CXCL16: variants seen among roughly 807,000 people sequenced by gnomAD.
The protein encoded by CXCL16 is C-X-C motif chemokine 16.
In CXCL16, 18 loss-of-function variants were observed where a neutral mutation model predicts 23.8. The ratio of observed to expected loss-of-function variants is 0.76; its 90% confidence interval spans 0.52 to 1.12. CXCL16 has a LOEUF of 1.12. Ranked by LOEUF, CXCL16 falls within the 50% of genes most tolerant of loss-of-function variation. The probability of loss-of-function intolerance (pLI) is 0.00; values close to 1 mark genes in which losing one functional copy is unlikely to be tolerated. For missense variants in CXCL16, 297 were observed against 315.4 expected (o/e 0.94, Z 0.44); for synonymous variants, 123 against 132.5 (o/e 0.93, Z 0.49).
rs747906126 is a variant in CXCL16 at position 4,738,760 on chromosome 17, TCG to T, written c.218+20_218+21del. Reference sequence around the variant, plus strand: ...AGGAGGGGCCGCCCAGGCGCTGCCCTCGCAGAGGCAGGTAAAATTACCTCGTG... The same window carrying T: ...AGGAGGGGCCGCCCAGGCGCTGCCCTCAGAGGCAGGTAAAATTACCTCGTG... On this transcript the variant is annotated intron_variant, in intron 2 of 5. Transcript: ENST00000293778. The surrounding 1 kb of genome is among the most constrained non-coding windows in gnomAD (Gnocchi z 4.0). 217 of 1,612,296 alleles carry T rather than the reference TCG, an allele frequency of 1.3e-4. 1 individual carries two copies. Among genetic ancestry groups the T allele is most frequent in the Non-Finnish European group, 1.8e-4 (213 of 1,178,964 alleles).
rs1290753639 is a variant in CXCL16, at chr17:4,739,131, CGGCT to C, written c.79+126_79+129del. 3 of 1,313,440 alleles carry C rather than the reference CGGCT, an allele frequency of 2.3e-6. No homozygotes were observed. The highest frequency in any genetic ancestry group is 2.1e-6 in the Non-Finnish European group (2 of 957,640). 81.4% of individuals were successfully genotyped at this position (1,313,440 alleles called of 1,614,324 possible). On this transcript the variant is annotated intron_variant, in intron 1 of 5. Coordinates refer to ENST00000293778, the MANE Select transcript of CXCL16 (RefSeq NM_001386809.1). This position sits in a 1 kb window ranked among gnomAD's most constrained non-coding sequence, Gnocchi z 5.3. ...CCGGGCCTCTGTCCCCAACCCCAGG[CGGCT>C]GGCTGGCTTTCCTCTTGTCCCCGCT...
rs758564827 is a variant in CXCL16 at position 4,735,061 on chromosome 17, C to G, written c.718+31G>C. ...ATGCCTGTCAGGAAGGCTCTGGGTC[C>G]CTGGGGGGAGGGTTCAAAGGTCCAG... is the stretch of plus-strand genomic sequence containing the variant. On this transcript the variant is annotated intron_variant, in intron 4 of 5. Coordinates refer to ENST00000293778, the MANE Select transcript of CXCL16 (RefSeq NM_001386809.1). 4 of 1,575,780 alleles carry G rather than the reference C, an allele frequency of 2.5e-6. No individual in the cohort carries two copies. In the Admixed American group the frequency reaches 5.2e-5, roughly 20 times the overall value.
At chr17:4,737,575 TAAAAAA>T (rs55694753) in intron 3 of CXCL16, among the ~76,000 whole-genome samples, 8 of 42,034 alleles carry the variant, frequency 1.9e-4, no homozygotes, top group South Asian at 1.3e-3. Flanking sequence ...AAGACTCCAT[TAAAAAA>T]AAAAAAAAAA....
rs534120151 is a variant in CXCL16 at position 4,739,180 on chromosome 17, C to T, written c.79+81G>A. 1.5e-4 allele frequency: 231 copies of T among 1,510,562 alleles called. 1 individual carries two copies. In the African/African-American group the frequency reaches 2.6e-3, roughly 17 times the overall value. The allele number at this position is 1,510,562 out of a possible 1,614,324, so 93.6% of individuals were successfully genotyped here. A position where few individuals can be genotyped will look rare whatever the true frequency, so the allele number is the denominator to read the frequency against. On this transcript the variant is annotated intron_variant, in intron 1 of 5. Transcript: ENST00000293778. The surrounding 1 kb of genome is among the most constrained non-coding windows in gnomAD (Gnocchi z 5.3). ...CCCGCTGCCTTCATCCACTCAACTC[C>T]GTGGGCCTCGTGTCCCCTCCCCAAC...
chr17:4,738,073 TGAGC>T lies in CXCL16; in HGVS notation c.301+331_301+334del, dbSNP rs1916214529. 8.7e-6 allele frequency among the ~76,000 whole-genome samples: 1 copy of T among 115,236 alleles called. No homozygotes were observed. The highest frequency in any genetic ancestry group is 9.1e-5 in the Admixed American group (1 of 10,942). The allele number at this position is 115,236 out of a possible 152,430, so 75.6% of individuals were successfully genotyped here. A position where few individuals can be genotyped will look rare whatever the true frequency, so the allele number is the denominator to read the frequency against. ...TGAACCTGGGAGGCAGAGGTTGCAG[TGAGC>T]CAAGATCGTGCCACTGCACTCCAGC... On this transcript the variant is annotated intron_variant, in intron 3 of 5. Coordinates refer to ENST00000293778, the MANE Select transcript of CXCL16 (RefSeq NM_001386809.1). This position sits in a 1 kb window ranked among gnomAD's most constrained non-coding sequence, Gnocchi z 4.0.
chr17:4,735,539 TA>T, intron 3 of CXCL16, 31 bp from the exon 4 acceptor site: 1 of 1,482,482 alleles, frequency 6.7e-7, no homozygotes, highest in Non-Finnish European at 9.0e-7. Flanking sequence ...GAATCAGGAC[TA>T]TCAGGAGACA....
chr17:4,737,734 A>G lies in CXCL16; in HGVS notation c.301+674T>C, dbSNP rs531687448. Among the ~76,000 whole-genome samples the G allele has an allele frequency of 1.1e-4, 17 of 151,414 alleles. 1 individual carries two copies. The highest frequency in any genetic ancestry group is 3.9e-4 in the African/African-American group (16 of 41,238). Reference sequence around the variant, plus strand: ...ATGTTTATGTAAATATGTAAAATATACATATATAAATAAAATTGTAGAATC... The same window carrying G: ...ATGTTTATGTAAATATGTAAAATATGCATATATAAATAAAATTGTAGAATC... On this transcript the variant is annotated intron_variant, in intron 3 of 5. Coordinates refer to ENST00000293778, the MANE Select transcript of CXCL16 (RefSeq NM_001386809.1).
At chr17:4,736,302 G>T (rs8071612) in intron 3 of CXCL16, 63,080 of 151,954 alleles carry the variant, frequency 0.42, 13,591 homozygotes, top group East Asian at 0.59. Flanking sequence ...TGCTGTTTTC[G>T]TAATTACCAA....
chr17:4,738,526 T>G lies in CXCL16; in HGVS notation c.219-36A>C. ...GAGACCTGGGCTTAGCTGCGGCGCC[T>G]TCTTTCCTTCCCCGGCTCCTTCCTC... On this transcript the variant is annotated intron_variant, in intron 2 of 5. Coordinates refer to ENST00000293778, the MANE Select transcript of CXCL16 (RefSeq NM_001386809.1). This position sits in a 1 kb window ranked among gnomAD's most constrained non-coding sequence, Gnocchi z 4.0. 1 of 1,511,522 alleles carries G rather than the reference T, an allele frequency of 6.6e-7. No homozygotes were observed. Among genetic ancestry groups the G allele is most frequent in the Non-Finnish European group, 9.2e-7 (1 of 1,091,720 alleles). 93.6% of individuals were successfully genotyped at this position (1,511,522 alleles called of 1,614,324 possible). A position where few individuals can be genotyped will look rare whatever the true frequency, so the allele number is the denominator to read the frequency against.
In CXCL16 at chr17:4,738,324, G is replaced by A; in HGVS notation, c.301+84C>T. On this transcript the variant is annotated intron_variant, in intron 3 of 5. Coordinates refer to ENST00000293778, the MANE Select transcript of CXCL16 (RefSeq NM_001386809.1). This position sits in a 1 kb window ranked among gnomAD's most constrained non-coding sequence, Gnocchi z 4.0. ...GTTCTAGGAATGTGCGGCCCCAGGG[G>A]AAAAGGCTCAGGTAAAGAAAACTGT... The A allele has an allele frequency of 9.3e-7, 1 of 1,076,344 alleles. No individual in the cohort carries two copies. The highest frequency in any genetic ancestry group is 2.4e-5 in the East Asian group (1 of 41,766). The allele number at this position is 1,076,344 out of a possible 1,614,324, so 66.7% of individuals were successfully genotyped here.
chr17:4,737,808 T>C (rs1916199289), intron 3 of CXCL16, among the ~76,000 whole-genome samples: 1 of 151,226 alleles, frequency 6.6e-6, no homozygotes, highest in Admixed American at 6.7e-5. Context: ...AACTTTTGTA[T>C]ATGTGTAAAT....
At position 4,735,474 on chromosome 17, in the gene CXCL16, G is replaced by T; in HGVS notation, c.336C>A (p.His112Gln). ...GGCTGGTAGGAAGTAAATGCTTCTGGTGGGCCACAATCCCCGAGTAAGCAT... is the reference window on the plus strand; with the variant it reads ...GGCTGGTAGGAAGTAAATGCTTCTGTTGGGCCACAATCCCCGAGTAAGCAT... The part of the protein sequence containing the change: ...CGHAYSGIVA[H>Q]QKHLLPTSPP... Residue 112 changes from histidine to glutamine, a missense_variant, in exon 4 of 6, where the codon CAC becomes CAA. His to Gln is a conservative substitution (Grantham distance 24). Coordinates refer to ENST00000293778, the MANE Select transcript of CXCL16 (RefSeq NM_001386809.1). The T allele has an allele frequency of 6.6e-7, 1 of 1,509,392 alleles. No individual in the cohort carries two copies. The highest frequency in any genetic ancestry group is 8.9e-7 in the Non-Finnish European group (1 of 1,127,404). 93.5% of individuals were successfully genotyped at this position (1,509,392 alleles called of 1,614,324 possible). A position where few individuals can be genotyped will look rare whatever the true frequency, so the allele number is the denominator to read the frequency against.
At position 4,739,045 on chromosome 17, in the gene CXCL16, T is replaced by C; in HGVS notation, c.80-125A>G. 1 of 1,298,778 alleles carries C rather than the reference T, an allele frequency of 7.7e-7. No individual in the cohort carries two copies. The highest frequency in any genetic ancestry group is 1.0e-6 in the Non-Finnish European group (1 of 952,518). The allele number at this position is 1,298,778 out of a possible 1,614,324, so 80.5% of individuals were successfully genotyped here. A position where few individuals can be genotyped will look rare whatever the true frequency, so the allele number is the denominator to read the frequency against. ...TGGACCCAGGGTCAGAGCGCCAGGCTCAACCCACACATCATCACGCCCCCG... is the reference window on the plus strand; with the variant it reads ...TGGACCCAGGGTCAGAGCGCCAGGCCCAACCCACACATCATCACGCCCCCG... On this transcript the variant is annotated intron_variant, in intron 1 of 5. Coordinates refer to ENST00000293778, the MANE Select transcript of CXCL16 (RefSeq NM_001386809.1). This position sits in a 1 kb window ranked among gnomAD's most constrained non-coding sequence, Gnocchi z 5.3.
rs1363253856 is a variant in CXCL16, at chr17:4,734,389, C to T, written c.*114G>A. On this transcript the variant is annotated 3_prime_UTR_variant, in exon 6 of 6. Coordinates refer to ENST00000293778, the MANE Select transcript of CXCL16 (RefSeq NM_001386809.1). ...CGTGTAGGCTGGATGTGGTAGGTGA[C>T]GCCTATAATCCTCGCACCTTCAGAG... 5 of 463,774 alleles carry T rather than the reference C, an allele frequency of 1.1e-5. No homozygotes were observed. Among genetic ancestry groups the T allele is most frequent in the South Asian group, 4.3e-5 (2 of 46,240 alleles). 28.7% of individuals were successfully genotyped at this position (463,774 alleles called of 1,614,324 possible).
chr17:4,736,429 G>C (rs1328273206), intron 3 of CXCL16: 3 of 152,310 alleles, frequency 2.0e-5, no homozygotes, highest in Admixed American at 1.3e-4. Context: ...AAAGGTAGGG[G>C]ACAAGGAAGT....
chr17:4,734,734 A>G, intron 4 of CXCL16, 82 bp from the exon 5 acceptor site: 2 of 1,166,776 alleles, frequency 1.7e-6, no homozygotes, highest in South Asian at 1.2e-5. Flanking sequence ...CTAGGGAATC[A>G]GATGAAGACA....
In CXCL16 at chr17:4,734,423, G is replaced by C. The variant is rs927878135; in HGVS notation, c.*80C>G. The C allele has an allele frequency of 3.8e-6, 2 of 519,788 alleles. No homozygotes were observed. The highest frequency in any genetic ancestry group is 7.1e-6 in the Non-Finnish European group (2 of 283,530). 32.2% of individuals were successfully genotyped at this position (519,788 alleles called of 1,614,324 possible). A position where few individuals can be genotyped will look rare whatever the true frequency, so the allele number is the denominator to read the frequency against. ...TCCTCGCACCTTCAGAGGCCAAGGTGGGAGGATCACTTGACTCAGGAGTTC... is the reference window on the plus strand; with the variant it reads ...TCCTCGCACCTTCAGAGGCCAAGGTCGGAGGATCACTTGACTCAGGAGTTC... On this transcript the variant is annotated 3_prime_UTR_variant, in exon 6 of 6. Coordinates refer to ENST00000293778, the MANE Select transcript of CXCL16 (RefSeq NM_001386809.1).
Position 4,734,625 on chromosome 17 carries a change from G to A in CXCL16, c.746C>T (p.Ala249Val), listed in dbSNP as rs749396444. ...PDLPVHYIPV[A>V]PDSNT ...CTTGGCTCAGGTATTAGAGTCAGGT[G>A]CCACAGGTATATAATGAACCGGCAG... The change falls in exon 5 of 6, where the codon GCA becomes GTA. Residue 249 changes from alanine to valine, a missense_variant. By Grantham distance (64) the Ala-to-Val change is moderately conservative. Transcript: ENST00000293778. The A allele has an allele frequency of 5.6e-6, 9 of 1,612,024 alleles. No homozygotes were observed. In the Admixed American group the frequency reaches 1.3e-4, roughly 24 times the overall value.
chr17:4,735,069 G>A (rs1388996204), intron 4 of CXCL16, 23 bp downstream of exon 4: 3 of 1,585,076 alleles, frequency 1.9e-6, no homozygotes, highest in African/African-American at 1.3e-5. Context: ...TCCCTGGGGG[G>A]AGGGTTCAAA....
Sources: gnomAD v4.1 joint callset for allele counts (sites outside exome capture counted in the v4.1 genomes callset) on GRCh38, gnomAD v4.1.1 for gene constraint, Gnocchi (gnomAD v3.1) non-coding constraint, MANE v1.5 for transcripts, NCBI Gene and HGNC (gene_info 2026-07-23, HGNC 2026-07-21) for gene names.